KIAA0825: variants seen among roughly 807,000 people sequenced by gnomAD.
KIAA0825 encodes uncharacterized protein KIAA0825.
In KIAA0825, 119 loss-of-function variants were observed where a neutral mutation model predicts 147.6. That is an observed-to-expected ratio of 0.81 (90% CI 0.69 to 0.94). The LOEUF (loss-of-function observed/expected upper bound fraction) is 0.94, where lower values mean the gene tolerates loss of function less well. Among genes scored for constraint, KIAA0825 ranks in the 40% least tolerant of loss-of-function variants. The pLI is 0.00. For synonymous variants in KIAA0825, 470 were observed against 518.1 expected, an observed-to-expected ratio of 0.91 and a Z score of 1.26; for missense variants, 1,381 against 1,472.7, an observed-to-expected ratio of 0.94 and a Z score of 1.02.
At chr5:94,341,849 A>C (rs1782424518) in intron 20 of KIAA0825, among the ~76,000 whole-genome samples, 1 of 152,150 alleles carries the variant, frequency 6.6e-6, no homozygotes, top group Admixed American at 6.5e-5. Flanking sequence ...TGAGTGATCA[A>C]AAATATATAT....
intron 20 of KIAA0825, among the ~76,000 whole-genome samples, chr5:94,164,616 T>G (rs907422206): frequency 3.9e-5 from 6 of 152,102 alleles, no homozygotes; most frequent in African/African-American, 1.4e-4. Flanking sequence ...TTTCACCGTG[T>G]TAGCCAGGAT....
At chr5:94,592,830 T>G (rs1477184876) in intron 1 of KIAA0825, 11 of 507,570 alleles carry the variant, frequency 2.2e-5, no homozygotes, top group South Asian at 4.0e-5. Context: ...TAAGAGCTAT[T>G]TGTCCATTCT....
chr5:94,544,973 G>A (rs1295868365), intron 2 of KIAA0825, among the ~76,000 whole-genome samples: 2 of 151,882 alleles, frequency 1.3e-5, no homozygotes, highest in Admixed American at 1.3e-4. Context: ...CATTGCTGAC[G>A]TCACCCTCCC....
At chr5:94,575,737 T>C (rs746889907) in intron 2 of KIAA0825, among the ~76,000 whole-genome samples, 31 of 152,164 alleles carry the variant, frequency 2.0e-4, no homozygotes, top group Non-Finnish European at 4.0e-4. Context: ...GCTTTTCTGG[T>C]CTTGGTAAAG....
In KIAA0825 at chr5:94,522,561, C is replaced by G. The variant is rs1319335580; in HGVS notation, c.300+1369G>C. ...AGTACATCTGCCATAATGAGGACCT[C>G]TGTTTCTTATTTAAATCACTAGAAA... On this transcript the variant is annotated intron_variant, in intron 4 of 20. Coordinates refer to ENST00000682413, the MANE Select transcript of KIAA0825 (RefSeq NM_001145678.3). Among the ~76,000 whole-genome samples, 2 of 151,686 alleles carry G rather than the reference C, an allele frequency of 1.3e-5. 1 individual carries two copies. The highest frequency in any genetic ancestry group is 4.1e-4 in the South Asian group (2 of 4,822).
chr5:94,308,823 C>T (rs1337920486), intron 20 of KIAA0825, among the ~76,000 whole-genome samples: 1 of 151,318 alleles, frequency 6.6e-6, no homozygotes, highest in Non-Finnish European at 1.5e-5. Flanking sequence ...AAAGTCCTTT[C>T]CATTCAGGCC....
chr5:94,318,794 G>A (rs747963870), intron 20 of KIAA0825, among the ~76,000 whole-genome samples: 27 of 152,026 alleles, frequency 1.8e-4, no homozygotes, highest in Non-Finnish European at 2.4e-4. Context: ...GGGATCTGCA[G>A]GAAGTTGGAA....
At chr5:94,373,672 C>T (rs1400319696) in intron 20 of KIAA0825, among the ~76,000 whole-genome samples, 1 of 152,128 alleles carries the variant, frequency 6.6e-6, no homozygotes, top group Non-Finnish European at 1.5e-5. Context: ...AACTACCTCC[C>T]ACTGGGTCCC....
At chr5:94,505,073 T>C (rs1765582227) in intron 5 of KIAA0825, among the ~76,000 whole-genome samples, 2 of 151,622 alleles carry the variant, frequency 1.3e-5, no homozygotes, top group South Asian at 4.2e-4. Context: ...AAAAAGTTAA[T>C]CTCAGGCCAG....
intron 20 of KIAA0825, among the ~76,000 whole-genome samples, chr5:94,278,464 A>G (rs902509299): frequency 1.3e-5 from 2 of 152,032 alleles, no homozygotes; most frequent in Admixed American, 6.6e-5. Flanking sequence ...AACAAATACT[A>G]TTGAATATTT....
intron 3 of KIAA0825, among the ~76,000 whole-genome samples, chr5:94,533,739 C>G (rs927565648): frequency 6.6e-6 from 1 of 152,180 alleles, no homozygotes; most frequent in African/African-American, 2.4e-5. Context: ...TGTTATTTAC[C>G]TCTTGTTACC....
At chr5:94,291,937 C>T (rs917765063) in intron 20 of KIAA0825, among the ~76,000 whole-genome samples, 1 of 152,236 alleles carries the variant, frequency 6.6e-6, no homozygotes, top group South Asian at 2.1e-4. Flanking sequence ...TACAGGAATG[C>T]TTGTGATTTT....
chr5:94,248,804 G>T (rs967283990), intron 20 of KIAA0825, among the ~76,000 whole-genome samples: 6 of 152,092 alleles, frequency 3.9e-5, no homozygotes, highest in Admixed American at 3.9e-4. Flanking sequence ...TCTCTGTTAA[G>T]TAATCCTGCA....
intron 20 of KIAA0825, among the ~76,000 whole-genome samples, chr5:94,250,858 C>A (rs193287127): frequency 2.6e-5 from 4 of 152,004 alleles, no homozygotes; most frequent in African/African-American, 9.7e-5. Context: ...AATAGAAGAA[C>A]GTTTGCAATT....
chr5:94,353,625 T>A (rs1200923066), intron 20 of KIAA0825, among the ~76,000 whole-genome samples: 5 of 152,224 alleles, frequency 3.3e-5, no homozygotes, highest in African/African-American at 9.6e-5. Flanking sequence ...TATTTTTTGA[T>A]GATTTCAATG....
chr5:94,243,748 T>A (rs965084089), intron 20 of KIAA0825, among the ~76,000 whole-genome samples: 6 of 152,130 alleles, frequency 3.9e-5, no homozygotes, highest in Admixed American at 3.9e-4. Context: ...CCCACACATC[T>A]AGGAACATCC....
rs544591354 is a variant in KIAA0825, at chr5:94,396,890, A to C, written c.2888-381T>G. Among the ~76,000 whole-genome samples the C allele has an allele frequency of 9.2e-5, 14 of 152,094 alleles. No individual in the cohort carries two copies. The South Asian group carries it at 2.5e-3, about 27-fold the overall frequency. On this transcript the variant is annotated intron_variant, in intron 16 of 20. Coordinates refer to ENST00000682413, the MANE Select transcript of KIAA0825 (RefSeq NM_001145678.3). ...TAAGCCCTTCTCCTCCTCCCTTGGA[A>C]TCCATGACAGAATCATTTCAGCTCT...
At chr5:94,477,297 C>T (rs757700133) in intron 6 of KIAA0825, 92 bp from the exon 7 acceptor site, 47 of 819,878 alleles carry the variant, frequency 5.7e-5, no homozygotes, top group African/African-American at 2.3e-4. Flanking sequence ...ATATTAACTA[C>T]GTAGAAAAGT....
At chr5:94,379,234 T>C (rs1460881796) in intron 20 of KIAA0825, among the ~76,000 whole-genome samples, 5 of 152,232 alleles carry the variant, frequency 3.3e-5, no homozygotes, top group African/African-American at 9.6e-5. Flanking sequence ...TTTGTAGTTT[T>C]AGGTTTTACA....
Sources: allele counts gnomAD v4.1 joint callset (sites outside exome capture counted in the v4.1 genomes callset), GRCh38; gene constraint gnomAD v4.1.1; transcripts MANE v1.5; gene names NCBI Gene and HGNC (gene_info 2026-07-23, HGNC 2026-07-21).